Variants in CHIC1 observed in about 807,000 individuals in gnomAD.
CHIC1 encodes the protein cysteine rich hydrophobic domain 1, also known as cysteine-rich hydrophobic domain-containing protein 1.
In CHIC1, 7 loss-of-function variants were observed where a neutral mutation model predicts 18.5. The observed-to-expected ratio is 0.38, with a 90% confidence interval of 0.22 to 0.71. The LOEUF is 0.71. CHIC1 is among the 30% of genes least tolerant of loss of function. The pLI is 0.49. For synonymous variants in CHIC1, 77 were observed against 73.5 expected (o/e 1.05, Z -0.25); for missense variants, 159 against 176.9 (o/e 0.90, Z 0.57).
intron 3 of CHIC1, among the ~76,000 whole-genome samples, chrX:73,646,656 A>G (rs1476941291): frequency 2.7e-5 from 3 of 112,139 alleles, no homozygotes; most frequent in African/African-American, 9.7e-5. Context: ...CACAACTGAA[A>G]CTTGTATGTT....
At chrX:73,679,615 G>T in intron 4 of CHIC1, 39 bp from the exon 5 acceptor site, 1 of 914,856 alleles carries the variant, frequency 1.1e-6, no homozygotes, top group Non-Finnish European at 1.5e-6. Flanking sequence ...ATTAGTTTAA[G>T]TTAATATAAA....
At position 73,605,981 on chromosome X, in the gene CHIC1, T is replaced by C. The variant is rs75952336; in HGVS notation, c.507+21409T>C. ...TGATGATTATGTGTCTTGGAGTTGC[T>C]CTTCTCGAGGTGTATCTTTGTGGTG... On this transcript the variant is annotated intron_variant, in intron 3 of 5. Coordinates refer to ENST00000373502, the MANE Select transcript of CHIC1 (RefSeq NM_001039840.4). Among the ~76,000 whole-genome samples, 547 of 108,267 alleles carry C rather than the reference T, an allele frequency of 5.1e-3. 7 individuals carry two copies. Among genetic ancestry groups the C allele is most frequent in the Non-Finnish European group, 7.7e-3 (410 of 53,075 alleles). 94.0% of individuals were successfully genotyped at this position (108,267 alleles called of 115,157 possible).
intron 3 of CHIC1, among the ~76,000 whole-genome samples, chrX:73,653,111 A>G (rs896217395): frequency 9.9e-5 from 11 of 111,216 alleles, no homozygotes; most frequent in African/African-American, 3.3e-4. Context: ...TCCTCAGTAA[A>G]CTAACACAGG....
At chrX:73,632,361 G>A (rs993807023) in intron 3 of CHIC1, among the ~76,000 whole-genome samples, 3 of 111,789 alleles carry the variant, frequency 2.7e-5, no homozygotes, top group African/African-American at 6.5e-5. Flanking sequence ...TGTGTGTCTC[G>A]TGAGCAGCAT....
At chrX:73,591,331 A>G (rs1569501074) in intron 3 of CHIC1, among the ~76,000 whole-genome samples, 2 of 110,337 alleles carry the variant, frequency 1.8e-5, no homozygotes, top group African/African-American at 6.6e-5. Flanking sequence ...AGTGGCCTCC[A>G]AATTCCCTCA....
At position 73,680,940 on chromosome X, in the gene CHIC1, G is replaced by T; in HGVS notation, c.625-15G>T. The T allele has an allele frequency of 1.1e-6, 1 of 915,587 alleles. No individual in the cohort carries two copies. The allele number at this position is 915,587 out of a possible 1,213,427, so 75.5% of individuals were successfully genotyped here. A position where few individuals can be genotyped will look rare whatever the true frequency, so the allele number is the denominator to read the frequency against. The stretch of plus-strand genomic sequence containing the variant: ...AAAAATATTTTGTAAATATATTCTT[G>T]TTTTTATTTTGCAGGTAATACTAAT... On this transcript the variant is annotated splice_polypyrimidine_tract_variant and intron_variant, in intron 5 of 5. Transcript: ENST00000373502.
rs1302119897 is a variant in CHIC1, at chrX:73,685,253, C to G, written c.*4248C>G. 9.0e-6 allele frequency: 1 copy of G among 111,608 alleles called. No individual in the cohort carries two copies. The highest frequency in any genetic ancestry group is 9.5e-5 in the Admixed American group (1 of 10,473). The allele number at this position is 111,608 out of a possible 1,213,427, so 9.2% of individuals were successfully genotyped here. A position where few individuals can be genotyped will look rare whatever the true frequency, so the allele number is the denominator to read the frequency against. ...ACAGACTCCAAGAACCTGATGCTTG[C>G]TAGACCTTAGTTCCTTGGTGATGCT... On this transcript the variant is annotated 3_prime_UTR_variant, in exon 6 of 6. Coordinates refer to ENST00000373502, the MANE Select transcript of CHIC1 (RefSeq NM_001039840.4).
intron 3 of CHIC1, among the ~76,000 whole-genome samples, chrX:73,652,583 C>T (rs1304060729): frequency 8.9e-6 from 1 of 112,028 alleles, no homozygotes; most frequent in African/African-American, 3.2e-5. Flanking sequence ...TGAACAGACG[C>T]TATTCAAAAG....
Position 73,680,954 on chromosome X carries a change from G to A in CHIC1, c.625-1G>A. 1 of 1,022,306 alleles carries A rather than the reference G, an allele frequency of 9.8e-7. No individual in the cohort carries two copies. The highest frequency in any genetic ancestry group is 1.3e-6 in the Non-Finnish European group (1 of 747,774). 84.2% of individuals were successfully genotyped at this position (1,022,306 alleles called of 1,213,427 possible). On this transcript the variant is annotated splice_acceptor_variant, in intron 5 of 5. Coordinates refer to ENST00000373502, the MANE Select transcript of CHIC1 (RefSeq NM_001039840.4). LOFTEE classifies it high-confidence loss of function. Reference sequence around the variant, plus strand: ...AATATATTCTTGTTTTTATTTTGCAGGTAATACTAATAGAATTCTTACCAA... The same window carrying A: ...AATATATTCTTGTTTTTATTTTGCAAGTAATACTAATAGAATTCTTACCAA...
chrX:73,679,218 C>G, intron 3 of CHIC1, 108 bp from the exon 4 acceptor site: 1 of 483,067 alleles, frequency 2.1e-6, no homozygotes, highest in Non-Finnish European at 3.6e-6. Flanking sequence ...AATAGAAAAA[C>G]AAGGAGATAG....
At chrX:73,655,283 C>CGT (rs1002330921) in intron 3 of CHIC1, among the ~76,000 whole-genome samples, 9 of 101,155 alleles carry the variant, frequency 8.9e-5, no homozygotes, top group East Asian at 3.1e-4. Flanking sequence ...TGTGTGTGTG[C>CGT]GTGTGTGTGT....
chrX:73,583,241 T>C (rs1041770004), intron 2 of CHIC1, among the ~76,000 whole-genome samples: 1 of 111,449 alleles, frequency 9.0e-6, no homozygotes, highest in Non-Finnish European at 1.9e-5. Flanking sequence ...ATAAAGCTTA[T>C]ATATGTAATG....
chrX:73,656,584 C>T (rs1302664618), intron 3 of CHIC1, among the ~76,000 whole-genome samples: 1 of 111,688 alleles, frequency 9.0e-6, no homozygotes, highest in African/African-American at 3.3e-5. Context: ...TTGTTTTTCT[C>T]AGGTTTGTCA....
At chrX:73,680,860 G>A (rs1603351592) in intron 5 of CHIC1, 95 bp from the exon 6 acceptor site, 4 of 454,494 alleles carry the variant, frequency 8.8e-6, no homozygotes, top group Non-Finnish European at 1.5e-5. Flanking sequence ...TTGAAATATT[G>A]TCCTATGAAA....
At chrX:73,661,070 G>T (rs1361074702) in intron 3 of CHIC1, among the ~76,000 whole-genome samples, 1 of 111,532 alleles carries the variant, frequency 9.0e-6, no homozygotes, top group Non-Finnish European at 1.9e-5. Context: ...GTCCTTGGGG[G>T]TTATACAGGA....
chrX:73,577,687 G>A (rs887691314), intron 2 of CHIC1, among the ~76,000 whole-genome samples: 2 of 110,145 alleles, frequency 1.8e-5, no homozygotes, highest in African/African-American at 6.5e-5. Flanking sequence ...TTATTTGTCC[G>A]TTCAGCTTTT....
intron 3 of CHIC1, among the ~76,000 whole-genome samples, chrX:73,623,680 C>CA (rs1018850880): frequency 5.4e-5 from 6 of 110,506 alleles, no homozygotes; most frequent in East Asian, 2.8e-4. Flanking sequence ...CTAAACTTAG[C>CA]AAAAAAAATT....
intron 3 of CHIC1, among the ~76,000 whole-genome samples, chrX:73,611,987 G>T (rs1378774280): frequency 4.6e-5 from 5 of 108,340 alleles, no homozygotes; most frequent in Non-Finnish European, 7.6e-5. Flanking sequence ...TCACTCTGAT[G>T]GTAGTTTCTT....
chrX:73,662,058 A>G (rs1395504006), intron 3 of CHIC1, among the ~76,000 whole-genome samples: 1 of 108,180 alleles, frequency 9.2e-6, no homozygotes, highest in Non-Finnish European at 1.9e-5. Context: ...ATAAATAAAA[A>G]TAAATAAATA....
Sources: allele counts gnomAD v4.1 joint callset (sites outside exome capture counted in the v4.1 genomes callset), GRCh38; gene constraint gnomAD v4.1.1; transcripts MANE v1.5; gene names NCBI Gene and HGNC (gene_info 2026-07-23, HGNC 2026-07-21).